TRAIP: variants seen among roughly 807,000 people sequenced by gnomAD.
The protein encoded by TRAIP is E3 ubiquitin-protein ligase TRAIP.
A neutral mutation model predicts 65.0 loss-of-function variants in TRAIP; 37 were observed. The ratio of observed to expected loss-of-function variants is 0.57; its 90% CI spans 0.44 to 0.75. TRAIP has a LOEUF of 0.75. TRAIP is among the 30% of genes least tolerant of loss of function. TRAIP has a pLI of 0.00. For missense variants in TRAIP, 481 were observed against 579.4 expected (o/e 0.83, Z 1.74); for synonymous variants, 187 against 219.1 (o/e 0.85, Z 1.29).
At chr3:49,848,950 G>A (rs1291534228) in intron 1 of TRAIP, among the ~76,000 whole-genome samples, 1 of 151,486 alleles carries the variant, frequency 6.6e-6, no homozygotes, top group South Asian at 2.1e-4. Context: ...TGGTTCAAAC[G>A]ATTCTCCTAC....
rs536778666 is a variant in TRAIP at position 49,856,006 on chromosome 3, C to T, written c.98+350G>A. Among the ~76,000 whole-genome samples, 3 of 152,314 alleles carry T rather than the reference C, an allele frequency of 2.0e-5. No individual in the cohort carries two copies. The South Asian group carries it at 6.2e-4, about 32-fold the overall frequency. ...CTCTCTTGGGTAGCCAGAAGCCTAG[C>T]AGGTTTCTATCTGGAAGAAATAAAA... is the stretch of plus-strand genomic sequence containing the variant. On this transcript the variant is annotated intron_variant, in intron 1 of 14. Coordinates refer to ENST00000331456, the MANE Select transcript of TRAIP (RefSeq NM_005879.3).
chr3:49,833,676 A>T (rs1034235462), intron 10 of TRAIP, among the ~76,000 whole-genome samples: 7 of 151,872 alleles, frequency 4.6e-5, no homozygotes, highest in African/African-American at 1.2e-4. Flanking sequence ...AGATGGGGTT[A>T]CACCGTGTTA....
At chr3:49,835,993 C>T (rs1415601404) in intron 10 of TRAIP, among the ~76,000 whole-genome samples, 2 of 151,062 alleles carry the variant, frequency 1.3e-5, no homozygotes, top group Non-Finnish European at 2.9e-5. Context: ...GCGACAGTCT[C>T]GCTCTGTCAT....
chr3:49,848,163 A>G lies in TRAIP; in HGVS notation c.136T>C (p.Cys46Arg). The G allele has an allele frequency of 6.2e-7, 1 of 1,614,220 alleles. No homozygotes were observed. The highest frequency in any genetic ancestry group is 8.5e-7 in the Non-Finnish European group (1 of 1,180,036). The change falls in exon 2 of 15, where the codon TGC (cysteine) becomes CGC (arginine). Residue 46 changes from cysteine (C) to arginine (R), a missense_variant. Physicochemically the swap from Cys to Arg is radical, Grantham distance 180. Coordinates refer to ENST00000331456, the MANE Select transcript of TRAIP (RefSeq NM_005879.3). ...QWFETAPSRT[C>R]PQCRIQVGKR... ...CTCACCTGGATTCGGCACTGTGGGCAGGTCCGACTTGGTGCTGTCTCAAAC... is the reference window on the plus strand; with the variant it reads ...CTCACCTGGATTCGGCACTGTGGGCGGGTCCGACTTGGTGCTGTCTCAAAC...
intron 4 of TRAIP, 55 bp downstream of exon 4, chr3:49,844,486 C>A (rs569287145): frequency 6.2e-7 from 1 of 1,602,138 alleles, no homozygotes; most frequent in South Asian, 1.1e-5. Flanking sequence ...GGGCCCCCTT[C>A]CTCCAGCATC....
chr3:49,838,650 C>G (rs1006198582), intron 10 of TRAIP, among the ~76,000 whole-genome samples: 1 of 152,172 alleles, frequency 6.6e-6, no homozygotes, highest in Non-Finnish European at 1.5e-5. Flanking sequence ...CTTTGGGAGG[C>G]CCAAGTGGGC....
intron 11 of TRAIP, among the ~76,000 whole-genome samples, 197 bp from the exon 12 acceptor site, chr3:49,830,265 CAG>C (rs957090072): frequency 1.3e-5 from 2 of 152,184 alleles, no homozygotes; most frequent in Non-Finnish European, 1.5e-5. Flanking sequence ...AGTAGGGTGG[CAG>C]AGACAGGGAT....
In TRAIP at chr3:49,839,841, G is replaced by T; in HGVS notation, c.815C>A (p.Thr272Lys). Residue 272 changes from threonine to lysine, a missense_variant, in exon 10 of 15, where the codon ACG becomes AAG. Physicochemically the swap from Thr to Lys is moderately conservative, Grantham distance 78. Transcript: ENST00000331456. ...KEIMSLKKKL[T>K]MLQETLNLPP... is the part of the protein sequence containing the mutation. ...CAGGTTCAAGGTTTCCTGCAGCATC[G>T]TTAGCTTCTTTTTCAGGCTCTTGGG... The T allele has an allele frequency of 6.2e-7, 1 of 1,614,234 alleles. No homozygotes were observed. The highest frequency in any genetic ancestry group is 8.5e-7 in the Non-Finnish European group (1 of 1,180,028).
At chr3:49,855,028 C>T (rs1313657154) in intron 1 of TRAIP, among the ~76,000 whole-genome samples, 1 of 152,114 alleles carries the variant, frequency 6.6e-6, no homozygotes, top group Non-Finnish European at 1.5e-5. Flanking sequence ...GGCACCACTG[C>T]ACTGCAGCCT....
In TRAIP at chr3:49,843,639, G is replaced by A; in HGVS notation, c.408+162C>T. The A allele has an allele frequency of 4.3e-6, 4 of 938,756 alleles. No homozygotes were observed. In the South Asian group the frequency reaches 6.2e-5, roughly 15 times the overall value. 58.2% of individuals were successfully genotyped at this position (938,756 alleles called of 1,614,324 possible). ...TTTTCTTATGGGATGGATGGGTACA[G>A]TATGGAAGGGCAAGGGGAAGAAGTG... is the stretch of plus-strand genomic sequence containing the variant. On this transcript the variant is annotated intron_variant, in intron 5 of 14. Coordinates refer to ENST00000331456, the MANE Select transcript of TRAIP (RefSeq NM_005879.3).
At chr3:49,847,446 AAAAAG>A (rs1469271391) in intron 3 of TRAIP, 74 bp downstream of exon 3, 14 of 905,364 alleles carry the variant, frequency 1.5e-5, no homozygotes, top group Admixed American at 4.7e-5. Context: ...AGAGAAGAGA[AAAAAG>A]AAAAGAAAAG....
chr3:49,836,553 G>A (rs1334111880), intron 10 of TRAIP, among the ~76,000 whole-genome samples: 5 of 152,094 alleles, frequency 3.3e-5, no homozygotes, highest in Non-Finnish European at 4.4e-5. Flanking sequence ...GCAAAGCAAA[G>A]CAAAGCGGTG....
intron 1 of TRAIP, among the ~76,000 whole-genome samples, chr3:49,854,487 T>C (rs976104648): frequency 2.0e-5 from 3 of 152,140 alleles, no homozygotes; most frequent in Non-Finnish European, 2.9e-5. Context: ...TAAGGATACA[T>C]ACCTTAATTT....
intron 1 of TRAIP, among the ~76,000 whole-genome samples, chr3:49,854,080 A>G (rs901653858): frequency 3.3e-5 from 5 of 152,176 alleles, no homozygotes; most frequent in African/African-American, 1.2e-4. Context: ...AAACCCCAGC[A>G]CTTTGGCAGG....
In TRAIP at chr3:49,852,855, C is replaced by G. The variant is rs1044445978; in HGVS notation, c.98+3501G>C. 3.3e-5 allele frequency among the ~76,000 whole-genome samples: 5 copies of G among 152,272 alleles called. No homozygotes were observed. In the South Asian group the frequency reaches 6.2e-4, roughly 19 times the overall value. On this transcript the variant is annotated intron_variant, in intron 1 of 14. Coordinates refer to ENST00000331456, the MANE Select transcript of TRAIP (RefSeq NM_005879.3). Reference sequence around the variant, plus strand: ...AAAGAAATTCGGCCAGGCACAATGGCTCATGGCTGTAATCCCGGCACTTTG... The same window carrying G: ...AAAGAAATTCGGCCAGGCACAATGGGTCATGGCTGTAATCCCGGCACTTTG...
At chr3:49,841,756 G>C (rs1472597397) in intron 7 of TRAIP, 70 bp downstream of exon 7, 11 of 1,219,936 alleles carry the variant, frequency 9.0e-6, no homozygotes, top group Non-Finnish European at 9.6e-6. Flanking sequence ...ACAAGAGATG[G>C]GGAGCAATGA....
At chr3:49,852,983 A>T (rs2081946041) in intron 1 of TRAIP, among the ~76,000 whole-genome samples, 1 of 151,140 alleles carries the variant, frequency 6.6e-6, no homozygotes, top group Non-Finnish European at 1.5e-5. Flanking sequence ...TTAGCCGGGC[A>T]TGATGACACG....
chr3:49,856,289 C>G (rs1294310315), intron 1 of TRAIP, 67 bp downstream of exon 1: 2 of 1,394,298 alleles, frequency 1.4e-6, no homozygotes, highest in East Asian at 2.3e-5. Context: ...CGCCTGGAGG[C>G]CCAACACCTC....
At chr3:49,853,426 G>A (rs572434646) in intron 1 of TRAIP, among the ~76,000 whole-genome samples, 2 of 152,158 alleles carry the variant, frequency 1.3e-5, no homozygotes, top group East Asian at 1.9e-4. Flanking sequence ...CTAACATAGC[G>A]AGACCTTGTC....
Sources: gnomAD v4.1 joint callset for allele counts (sites outside exome capture counted in the v4.1 genomes callset) on GRCh38, gnomAD v4.1.1 for gene constraint, MANE v1.5 for transcripts, NCBI Gene and HGNC (gene_info 2026-07-23, HGNC 2026-07-21) for gene names.